Variants in KIF6 observed in about 807,000 individuals in gnomAD.
KIF6 encodes the protein kinesin-like protein KIF6.
KIF6 carries 106 observed loss-of-function variants against 112.7 expected under a neutral mutation model. The observed-to-expected ratio is 0.94, with a 90% confidence interval of 0.80 to 1.11. The LOEUF is 1.11. Among genes scored for constraint, KIF6 ranks in the 50% least tolerant of loss-of-function variants. The pLI, the probability that KIF6 is intolerant of heterozygous loss-of-function variation, is 0.00. For missense variants in KIF6, 929 were observed against 964.0 expected, an observed-to-expected ratio of 0.96 and a Z score of 0.48; for synonymous variants, 339 against 339.9, an observed-to-expected ratio of 1.00 and a Z score of 0.03.
chr6:39,557,974 C>A (rs1247006876), intron 10 of KIF6, among the ~76,000 whole-genome samples: 10 of 150,734 alleles, frequency 6.6e-5, no homozygotes, highest in African/African-American at 2.4e-4. Flanking sequence ...CACTTTTGTA[C>A]AATGAATGCG....
intron 13 of KIF6, 58 bp downstream of exon 13, chr6:39,539,945 G>A: frequency 4.8e-6 from 6 of 1,261,748 alleles, no homozygotes; most frequent in Non-Finnish European, 6.7e-6. Context: ...AAACTAAAGG[G>A]TGCTACATCG....
intron 16 of KIF6, among the ~76,000 whole-genome samples, chr6:39,363,879 A>T (rs1370651751): frequency 6.6e-6 from 1 of 152,208 alleles, no homozygotes; most frequent in Non-Finnish European, 1.5e-5. Context: ...CTTTCTGCTC[A>T]AATACTTGCA....
chr6:39,498,720 A>C (rs527896589), intron 13 of KIF6, among the ~76,000 whole-genome samples: 97 of 152,322 alleles, frequency 6.4e-4, no homozygotes, highest in African/African-American at 2.3e-3. Flanking sequence ...TGTAGAGTCA[A>C]TATAATAAAT....
At chr6:39,562,522 G>T (rs974998099) in intron 10 of KIF6, among the ~76,000 whole-genome samples, 1 of 152,172 alleles carries the variant, frequency 6.6e-6, no homozygotes, top group South Asian at 2.1e-4. Context: ...CTTGCATTTT[G>T]CCACATAAAC....
At chr6:39,588,799 G>A (rs1039735708) in intron 7 of KIF6, among the ~76,000 whole-genome samples, 3 of 152,048 alleles carry the variant, frequency 2.0e-5, no homozygotes, top group African/African-American at 7.2e-5. Flanking sequence ...TTTCTATTAG[G>A]TTTACCTATA....
intron 13 of KIF6, among the ~76,000 whole-genome samples, chr6:39,533,428 T>C (rs532743665): frequency 1.3e-5 from 2 of 152,102 alleles, no homozygotes; most frequent in Non-Finnish European, 2.9e-5. Flanking sequence ...CAGCCTGAGA[T>C]CAAACTGCAA....
intron 5 of KIF6, among the ~76,000 whole-genome samples, chr6:39,632,307 T>C (rs2150753988): frequency 6.6e-6 from 1 of 152,276 alleles, no homozygotes; most frequent in African/African-American, 2.4e-5. Context: ...AGCACCAACA[T>C]GACCCTGAGT....
chr6:39,417,587 T>C, intron 15 of KIF6, among the ~76,000 whole-genome samples: 1 of 152,200 alleles, frequency 6.6e-6, no homozygotes, highest in Non-Finnish European at 1.5e-5. Context: ...CCTCAGTTGG[T>C]TGGCCCTTGG....
intron 7 of KIF6, among the ~76,000 whole-genome samples, chr6:39,590,339 A>G (rs957275113): frequency 2.0e-5 from 3 of 151,332 alleles, no homozygotes; most frequent in Admixed American, 6.6e-5. Flanking sequence ...TTTTCATTCA[A>G]TGGCTTTATT....
chr6:39,433,939 A>AT (rs1467856722), intron 13 of KIF6, among the ~76,000 whole-genome samples: 2 of 152,046 alleles, frequency 1.3e-5, no homozygotes, highest in Non-Finnish European at 2.9e-5. Context: ...TTCTCACCCC[A>AT]TTTTGGGATC....
intron 3 of KIF6, among the ~76,000 whole-genome samples, chr6:39,669,539 C>G (rs1370739986): frequency 6.6e-6 from 1 of 152,144 alleles, no homozygotes; most frequent in Non-Finnish European, 1.5e-5. Flanking sequence ...AGTTTATTTT[C>G]TTTTGAAAAT....
intron 6 of KIF6, among the ~76,000 whole-genome samples, chr6:39,599,062 T>A (rs182937582): frequency 1.7e-3 from 265 of 152,250 alleles, no homozygotes; most frequent in Middle Eastern, 3.4e-3. Flanking sequence ...TCTATTTCAT[T>A]TAGTTAAAAA....
intron 7 of KIF6, among the ~76,000 whole-genome samples, chr6:39,593,241 T>A (rs2150678644): frequency 6.6e-6 from 1 of 152,342 alleles, no homozygotes; most frequent in Middle Eastern, 3.4e-3. Context: ...TGTGTTACAC[T>A]TCCAGTCTCA....
chr6:39,508,974 G>A (rs1776606862), intron 13 of KIF6, among the ~76,000 whole-genome samples: 1 of 152,102 alleles, frequency 6.6e-6, no homozygotes, highest in Non-Finnish European at 1.5e-5. Flanking sequence ...CTCCCAGTAG[G>A]GGCCGACAGA....
intron 3 of KIF6, among the ~76,000 whole-genome samples, chr6:39,689,753 C>T (rs1311142786): frequency 6.6e-6 from 1 of 152,060 alleles, no homozygotes; most frequent in East Asian, 1.9e-4. Flanking sequence ...CACAGGCATA[C>T]ACCTCCATGC....
At chr6:39,658,077 AG>A (rs1244369336) in intron 3 of KIF6, among the ~76,000 whole-genome samples, 1 of 152,242 alleles carries the variant, frequency 6.6e-6, no homozygotes, top group East Asian at 1.9e-4. Flanking sequence ...GAAACTGAGA[AG>A]TTATGGCTCT....
chr6:39,525,959 G>T (rs1167977484), intron 13 of KIF6, among the ~76,000 whole-genome samples: 1 of 151,974 alleles, frequency 6.6e-6, no homozygotes, highest in Non-Finnish European at 1.5e-5. Flanking sequence ...TTTTCTCTTG[G>T]TGATTCTAGA....
At chr6:39,658,781 A>G (rs184015050) in intron 3 of KIF6, among the ~76,000 whole-genome samples, 115 of 152,344 alleles carry the variant, frequency 7.5e-4, no homozygotes, top group Admixed American at 1.7e-3. Flanking sequence ...AACACAACTC[A>G]ATAATGAAGG....
intron 4 of KIF6, 121 bp downstream of exon 4, chr6:39,639,489 G>A: frequency 1.2e-6 from 1 of 813,194 alleles, no homozygotes; most frequent in Non-Finnish European, 1.8e-6. Flanking sequence ...CCAAAGTTAT[G>A]ACACAATAAG....
Sources: gnomAD v4.1 joint callset for allele counts (sites outside exome capture counted in the v4.1 genomes callset) on GRCh38, gnomAD v4.1.1 for gene constraint, MANE v1.5 for transcripts, NCBI Gene and HGNC (gene_info 2026-07-23, HGNC 2026-07-21) for gene names.